GRM1: variants seen among roughly 807,000 people sequenced by gnomAD.
GRM1 encodes the protein glutamate metabotropic receptor 1.
In GRM1, 33 loss-of-function variants were observed where a neutral mutation model predicts 90.9. The observed-to-expected ratio is 0.36, with a 90% CI of 0.28 to 0.49. GRM1 has a LOEUF of 0.49. Among genes scored for constraint, GRM1 ranks in the 20% least tolerant of loss-of-function variants. GRM1 has a pLI of 0.99. For missense variants in GRM1, 1,190 were observed against 1,534.3 expected, an observed-to-expected ratio of 0.78 and a Z score of 3.75; for synonymous variants, 700 against 613.2, an observed-to-expected ratio of 1.14 and a Z score of -2.09.
rs879736360 is a variant in GRM1 at position 146,141,279 on chromosome 6, GT to G, written c.701-18056del. ...ACTGGAACTCCATTGTCTGTTCTTA[GT>G]TTTTTTTTTTTTCTCTTGCTGCTTC... is the stretch of plus-strand genomic sequence containing the variant. On this transcript the variant is annotated intron_variant, in intron 1 of 7. Coordinates refer to ENST00000282753, the MANE Select transcript of GRM1 (RefSeq NM_001278064.2). Among the ~76,000 whole-genome samples the G allele has an allele frequency of 6.2e-3, 876 of 141,242 alleles. 8 individuals are homozygous for G. The highest frequency in any genetic ancestry group is 0.021 in the African/African-American group (810 of 39,082). 92.7% of individuals were successfully genotyped at this position (141,242 alleles called of 152,430 possible).
intron 1 of GRM1, among the ~76,000 whole-genome samples, chr6:146,155,672 G>A (rs1464202995): frequency 6.6e-6 from 1 of 152,158 alleles, no homozygotes; most frequent in African/African-American, 2.4e-5. Context: ...CTTTTCAGGT[G>A]ATGGAAATAG....
rs1296385909 is a variant in GRM1, at chr6:146,436,839, A to C, written c.*2043A>C. ...GCTGCTGATTTCTCAGCCAAAAATC[A>C]TCTTAGAATCTTTAAATATCCATTG... On this transcript the variant is annotated 3_prime_UTR_variant, in exon 8 of 8. Coordinates refer to ENST00000282753, the MANE Select transcript of GRM1 (RefSeq NM_001278064.2). The C allele has an allele frequency of 6.6e-6, 1 of 152,644 alleles. No individual in the cohort carries two copies. Among genetic ancestry groups the C allele is most frequent in the East Asian group, 1.9e-4 (1 of 5,202 alleles). 9.5% of individuals were successfully genotyped at this position (152,644 alleles called of 1,614,324 possible).
chr6:146,152,304 G>A (rs977721929), intron 1 of GRM1, among the ~76,000 whole-genome samples: 4 of 149,744 alleles, frequency 2.7e-5, no homozygotes, highest in Non-Finnish European at 5.9e-5. Context: ...CCAATGCCTT[G>A]CTTGGCATCA....
chr6:146,299,164 T>C (rs184270693), intron 2 of GRM1, among the ~76,000 whole-genome samples: 252 of 152,330 alleles, frequency 1.7e-3, no homozygotes, highest in Non-Finnish European at 2.5e-3. Context: ...TTGATACTTT[T>C]CCTGGCCACC....
rs373156558 is a variant in GRM1 at position 146,317,356 on chromosome 6, T to C, written c.1186+12510T>C. ...AGCTCAGTTGATAAAACTGCTGCCT[T>C]CCAAGTTATTGCAGGTGACAATACT... On this transcript the variant is annotated intron_variant, in intron 3 of 7. Coordinates refer to ENST00000282753, the MANE Select transcript of GRM1 (RefSeq NM_001278064.2). Among the ~76,000 whole-genome samples the C allele has an allele frequency of 2.6e-5, 4 of 152,230 alleles. No individual in the cohort carries two copies. The East Asian group carries it at 5.8e-4, about 22-fold the overall frequency.
chr6:146,328,759 G>A (rs1054015941), intron 3 of GRM1, among the ~76,000 whole-genome samples: 2 of 151,990 alleles, frequency 1.3e-5, no homozygotes, highest in African/African-American at 4.8e-5. Context: ...CACCTTTCCA[G>A]TTGTCAGATC....
At chr6:146,092,786 A>G (rs1170397623) in intron 1 of GRM1, among the ~76,000 whole-genome samples, 2 of 152,110 alleles carry the variant, frequency 1.3e-5, no homozygotes, top group African/African-American at 4.8e-5. Context: ...CACAGAGCCT[A>G]TTTCTAACTT....
chr6:146,178,739 T>A (rs910952350), intron 2 of GRM1, among the ~76,000 whole-genome samples: 7 of 152,216 alleles, frequency 4.6e-5, no homozygotes, highest in African/African-American at 1.7e-4. Flanking sequence ...TATGTATTTT[T>A]TAAAATTTCT....
intron 2 of GRM1, among the ~76,000 whole-genome samples, chr6:146,170,712 G>A (rs889474567): frequency 1.7e-4 from 26 of 151,364 alleles, no homozygotes; most frequent in African/African-American, 5.6e-4. Context: ...AGTTTCCTTA[G>A]TTCTTTGAAT....
At chr6:146,150,942 A>ACACACACG (rs1418338331) in intron 1 of GRM1, among the ~76,000 whole-genome samples, 1 of 127,308 alleles carries the variant, frequency 7.9e-6, no homozygotes, top group African/African-American at 3.9e-5. Context: ...GTGCGCGCAC[A>ACACACACG]CACACACACA....
intron 7 of GRM1, among the ~76,000 whole-genome samples, chr6:146,414,377 T>TTTA (rs56297907): frequency 0.037 from 5,311 of 145,330 alleles, 270 homozygotes; most frequent in African/African-American, 0.11. Flanking sequence ...CCGTTTGCCT[T>TTTA]TTATTATTAT....
At chr6:146,340,135 C>T (rs1784917297) in intron 3 of GRM1, among the ~76,000 whole-genome samples, 1 of 152,120 alleles carries the variant, frequency 6.6e-6, no homozygotes, top group African/African-American at 2.4e-5. Flanking sequence ...AAAATCAATG[C>T]CAGGTATGTA....
intron 7 of GRM1, chr6:146,426,653 G>A (rs1778223200): frequency 1.6e-6 from 2 of 1,282,314 alleles, no homozygotes; most frequent in African/African-American, 1.5e-5. Context: ...TGTAAGAGAA[G>A]CTGCATGGAA....
rs531145865 is a variant in GRM1 at position 146,111,142 on chromosome 6, A to G, written c.701-48206A>G. ...GAAGTTCCAGGTACACCTGTCTGTG[A>G]ATGTGCAGAAGTTTCTCAACAAAAT... On this transcript the variant is annotated intron_variant, in intron 1 of 7. Coordinates refer to ENST00000282753, the MANE Select transcript of GRM1 (RefSeq NM_001278064.2). Among the ~76,000 whole-genome samples the G allele has an allele frequency of 2.6e-5, 4 of 152,302 alleles. No homozygotes were observed. The East Asian group carries it at 7.7e-4, about 29-fold the overall frequency.
At chr6:146,245,633 A>C (rs1331490695) in intron 2 of GRM1, among the ~76,000 whole-genome samples, 4 of 152,174 alleles carry the variant, frequency 2.6e-5, no homozygotes, top group African/African-American at 9.6e-5. Context: ...CCCACCACAA[A>C]CATATAGTGA....
intron 5 of GRM1, among the ~76,000 whole-genome samples, chr6:146,381,085 G>A (rs972553933): frequency 6.6e-6 from 1 of 152,174 alleles, no homozygotes; most frequent in African/African-American, 2.4e-5. Flanking sequence ...ACAGGCTGGG[G>A]TTAGGGGAGG....
At chr6:146,136,776 A>G (rs1000819443) in intron 1 of GRM1, among the ~76,000 whole-genome samples, 1 of 151,026 alleles carries the variant, frequency 6.6e-6, no homozygotes, top group African/African-American at 2.4e-5. Flanking sequence ...CTATTTATAT[A>G]TGCCAACAGC....
At chr6:146,391,549 G>A (rs362922) in intron 6 of GRM1, among the ~76,000 whole-genome samples, 370 of 152,050 alleles carry the variant, frequency 2.4e-3, no homozygotes, top group Non-Finnish European at 4.5e-3. Flanking sequence ...CTGGAGGTTG[G>A]ATAACTCTTT....
At chr6:146,296,491 C>G (rs1783182464) in intron 2 of GRM1, among the ~76,000 whole-genome samples, 1 of 152,082 alleles carries the variant, frequency 6.6e-6, no homozygotes, top group Admixed American at 6.5e-5. Flanking sequence ...CTATAGTCAC[C>G]ACACTATGAT....
Sources: allele counts gnomAD v4.1 joint callset (sites outside exome capture counted in the v4.1 genomes callset), GRCh38; gene constraint gnomAD v4.1.1; transcripts MANE v1.5; gene names NCBI Gene and HGNC (gene_info 2026-07-23, HGNC 2026-07-21).